BMP2K: variants seen among roughly 807,000 people sequenced by gnomAD.
BMP2K encodes the protein BMP-2-inducible protein kinase.
A neutral mutation model predicts 116.0 loss-of-function variants in BMP2K; 74 were observed. The ratio of observed to expected loss-of-function variants is 0.64; its 90% CI spans 0.53 to 0.77. The LOEUF is 0.77. Ranked by LOEUF, BMP2K falls within the 30% of genes least tolerant of loss-of-function variation. The probability of loss-of-function intolerance (pLI) is 0.00; values close to 1 mark genes in which losing one functional copy is unlikely to be tolerated. For synonymous variants in BMP2K, 486 were observed against 502.5 expected (o/e 0.97, Z 0.44); for missense variants, 1,365 against 1,403.6 (o/e 0.97, Z 0.44).
chr4:78,858,663 AC>A (rs945767556), intron 7 of BMP2K, among the ~76,000 whole-genome samples: 1 of 151,898 alleles, frequency 6.6e-6, no homozygotes, highest in African/African-American at 2.4e-5. Flanking sequence ...ATTTTATTTA[AC>A]CCATTTACAT....
chr4:78,858,016 A>G (rs1731587173), intron 7 of BMP2K, among the ~76,000 whole-genome samples: 1 of 151,954 alleles, frequency 6.6e-6, no homozygotes, highest in Admixed American at 6.6e-5. Flanking sequence ...TTTCTTATAT[A>G]TTTAAAAAAA....
At chr4:78,816,538 T>C (rs1352219554) in intron 1 of BMP2K, among the ~76,000 whole-genome samples, 1 of 152,190 alleles carries the variant, frequency 6.6e-6, no homozygotes, top group East Asian at 1.9e-4. Context: ...CATGGAAAAC[T>C]ACAGTTACAG....
intron 15 of BMP2K, among the ~76,000 whole-genome samples, chr4:78,900,702 A>G (rs973677423): frequency 1.3e-5 from 2 of 152,228 alleles, no homozygotes; most frequent in African/African-American, 4.8e-5. Context: ...TTAGCTGAAT[A>G]TAACATTTAG....
At chr4:78,778,329 A>T (rs979989931) in intron 1 of BMP2K, among the ~76,000 whole-genome samples, 1 of 152,244 alleles carries the variant, frequency 6.6e-6, no homozygotes, top group African/African-American at 2.4e-5. Flanking sequence ...TAAAAAAATA[A>T]TTTTGGAAAG....
intron 3 of BMP2K, among the ~76,000 whole-genome samples, chr4:78,834,722 T>C (rs573366657): frequency 7.9e-5 from 12 of 152,300 alleles, no homozygotes; most frequent in Admixed American, 7.2e-4. Context: ...TCTTACAGTT[T>C]CCTGAAGGTT....
At chr4:78,884,437 A>T (rs1410892666) in intron 14 of BMP2K, among the ~76,000 whole-genome samples, 1 of 152,250 alleles carries the variant, frequency 6.6e-6, no homozygotes, top group East Asian at 1.9e-4. Context: ...GGTTGGGTCC[A>T]GGTAACTACA....
rs1728275488 is a variant in BMP2K at position 78,796,390 on chromosome 4, G to A, written c.178+19669G>A. On this transcript the variant is annotated intron_variant, in intron 1 of 15. Transcript: ENST00000502613. ...ATCACACTCTGGGGACTGTTGGGGG[G>A]TGGGGGGAGGGGGGAGGGATAGCAT... Among the ~76,000 whole-genome samples, 3 of 127,052 alleles carry A rather than the reference G, an allele frequency of 2.4e-5. No homozygotes were observed. In the South Asian group the frequency reaches 8.9e-4, roughly 38 times the overall value. The allele number at this position is 127,052 out of a possible 152,430, so 83.4% of individuals were successfully genotyped here.
chr4:78,845,132 T>A, intron 5 of BMP2K, 83 bp downstream of exon 5: 1 of 1,180,268 alleles, frequency 8.5e-7, no homozygotes, highest in Admixed American at 2.8e-5. Flanking sequence ...AATACAAATT[T>A]TAGGTATTTC....
chr4:78,797,615 G>A (rs1187234269), intron 1 of BMP2K, among the ~76,000 whole-genome samples: 3 of 152,122 alleles, frequency 2.0e-5, no homozygotes, highest in Admixed American at 6.6e-5. Flanking sequence ...GTATTAAGTA[G>A]TGCTTTCCAG....
chr4:78,863,647 A>AC (rs1374230136), intron 9 of BMP2K, among the ~76,000 whole-genome samples: 1 of 152,116 alleles, frequency 6.6e-6, no homozygotes, highest in East Asian at 1.9e-4. Context: ...AAGCAGAAAA[A>AC]CAGCTCTGTG....
chr4:78,860,220 C>T (rs1731707108), intron 8 of BMP2K: 1 of 369,004 alleles, frequency 2.7e-6, no homozygotes, highest in South Asian at 2.3e-5. Flanking sequence ...TGAGAAGTTA[C>T]CTAATGGGTA....
At chr4:78,780,034 C>CATATAATT (rs1727429663) in intron 1 of BMP2K, among the ~76,000 whole-genome samples, 1 of 152,264 alleles carries the variant, frequency 6.6e-6, no homozygotes, top group African/African-American at 2.4e-5. Flanking sequence ...TTGTCAGGCT[C>CATATAATT]ATATAATTAA....
At chr4:78,834,434 T>G (rs1657654936) in intron 3 of BMP2K, among the ~76,000 whole-genome samples, 1 of 152,114 alleles carries the variant, frequency 6.6e-6, no homozygotes, top group African/African-American at 2.4e-5. Flanking sequence ...GCTAATTTTT[T>G]GTATTTTTAG....
At chr4:78,840,669 C>CT (rs1163042249) in intron 3 of BMP2K, among the ~76,000 whole-genome samples, 1 of 151,830 alleles carries the variant, frequency 6.6e-6, no homozygotes, top group African/African-American at 2.4e-5. Flanking sequence ...TCAGAAAACT[C>CT]TGAGTTTTGA....
intron 1 of BMP2K, among the ~76,000 whole-genome samples, chr4:78,817,404 T>C (rs938830710): frequency 1.3e-5 from 2 of 152,206 alleles, no homozygotes; most frequent in African/African-American, 4.8e-5. Context: ...TTGGGTTTGA[T>C]AATTTGCTAC....
At chr4:78,788,958 T>G (rs1192742086) in intron 1 of BMP2K, among the ~76,000 whole-genome samples, 1 of 151,306 alleles carries the variant, frequency 6.6e-6, no homozygotes, top group African/African-American at 2.4e-5. Flanking sequence ...TGGGCCATTA[T>G]GGATAGTATA....
Position 78,873,215 on chromosome 4 carries a change from T to C in BMP2K, c.1793+417T>C, listed in dbSNP as rs147416344. On this transcript the variant is annotated intron_variant, in intron 13 of 15. Coordinates refer to ENST00000502613, the MANE Select transcript of BMP2K (RefSeq NM_198892.2). ...TAAAGGTTGTATAATTTAATTTAAA[T>C]AGGTATAAACATTTTTACATATATG... Among the ~76,000 whole-genome samples the C allele has an allele frequency of 5.4e-4, 83 of 152,344 alleles. 4 individuals are homozygous for C. In the East Asian group the frequency reaches 9.8e-3, roughly 18 times the overall value.
intron 1 of BMP2K, among the ~76,000 whole-genome samples, chr4:78,809,235 G>T (rs539970936): frequency 1.3e-5 from 2 of 151,860 alleles, no homozygotes; most frequent in East Asian, 3.9e-4. Context: ...CACAATTTTT[G>T]TCTGAAAGTC....
intron 1 of BMP2K, among the ~76,000 whole-genome samples, chr4:78,791,884 A>G (rs1442033916): frequency 6.6e-6 from 1 of 152,202 alleles, no homozygotes; most frequent in Non-Finnish European, 1.5e-5. Context: ...GCTGTTGTGA[A>G]TAATGCTGCT....
Sources: gnomAD v4.1 joint callset for allele counts (sites outside exome capture counted in the v4.1 genomes callset) on GRCh38, gnomAD v4.1.1 for gene constraint, MANE v1.5 for transcripts, NCBI Gene and HGNC (gene_info 2026-07-23, HGNC 2026-07-21) for gene names.